The following PRDM12 variants were observed in gnomAD, a reference collection of about 807,000 sequenced individuals.
The protein encoded by PRDM12 is PR/SET domain 12.
In PRDM12, 17 loss-of-function variants were observed where a neutral mutation model predicts 29.6. That is an observed-to-expected ratio of 0.57 (90% CI 0.39 to 0.86). The LOEUF (loss-of-function observed/expected upper bound fraction) is 0.86, where lower values mean the gene tolerates loss of function less well. Ranked by LOEUF, PRDM12 falls within the 40% of genes least tolerant of loss-of-function variation. The probability of loss-of-function intolerance (pLI) is 0.00; values close to 1 mark genes in which losing one functional copy is unlikely to be tolerated. For synonymous variants in PRDM12, 231 were observed against 225.8 expected, an observed-to-expected ratio of 1.02 and a Z score of -0.21; for missense variants, 422 against 510.8, an observed-to-expected ratio of 0.83 and a Z score of 1.68.
chr9:130,670,790 A>G (rs530784326), intron 3 of PRDM12, among the ~76,000 whole-genome samples: 25 of 152,276 alleles, frequency 1.6e-4, no homozygotes, highest in East Asian at 1.4e-3. Context: ...ATACCCACAC[A>G]TGTGAACACA....
chr9:130,674,010 C>CTTTTTTTTTTT (rs35863613), intron 3 of PRDM12, among the ~76,000 whole-genome samples: 9 of 71,844 alleles, frequency 1.3e-4, no homozygotes, highest in Non-Finnish European at 1.7e-4. Context: ...TTCTTTCTTT[C>CTTTTTTTTTTT]TTTTTTTTTT....
In PRDM12 at chr9:130,681,453, G is replaced by A. The variant is rs753128211; in HGVS notation, c.888G>A (p.Glu296=). 1.3e-6 allele frequency: 2 copies of A among 1,586,956 alleles called. No homozygotes were observed. The highest frequency in any genetic ancestry group is 8.5e-7 in the Non-Finnish European group (1 of 1,171,410). The part of the protein sequence containing the change: ...LRNHVRLHTG[E]RPYKCQVCQS... ...ACCACGTGCGCCTGCACACGGGCGA[G>A]CGCCCCTACAAGTGCCAGGTGTGCC... The change falls in exon 5 of 5, where the codon GAG becomes GAA. Residue 296 remains glutamate (E), a synonymous_variant. Transcript: ENST00000253008. The surrounding 1 kb of genome is among the most constrained non-coding windows in gnomAD (Gnocchi z 8.1).
At chr9:130,677,864 G>A (rs996894050) in intron 3 of PRDM12, among the ~76,000 whole-genome samples, 6 of 152,262 alleles carry the variant, frequency 3.9e-5, no homozygotes, top group East Asian at 1.9e-4. Flanking sequence ...CATCATTTGC[G>A]GGGTTCTCTG....
chr9:130,682,836 C>A lies in PRDM12; in HGVS notation c.*1167C>A, dbSNP rs981177504. The stretch of plus-strand genomic sequence containing the variant: ...TTTTCAAGAAACTGCGTTCTACTTC[C>A]AGAAGATGGTCACTTTAACCTTGTA... On this transcript the variant is annotated 3_prime_UTR_variant, in exon 5 of 5. Coordinates refer to ENST00000253008, the MANE Select transcript of PRDM12 (RefSeq NM_021619.3). The surrounding 1 kb of genome is among the most constrained non-coding windows in gnomAD (Gnocchi z 4.2). The A allele has an allele frequency of 4.9e-4, 75 of 152,630 alleles. No individual in the cohort carries two copies. The highest frequency in any genetic ancestry group is 2.8e-4 in the Non-Finnish European group (19 of 68,050). 9.5% of individuals were successfully genotyped at this position (152,630 alleles called of 1,614,324 possible). A position where few individuals can be genotyped will look rare whatever the true frequency, so the allele number is the denominator to read the frequency against.
At chr9:130,669,066 T>A (rs1830761638) in intron 3 of PRDM12, among the ~76,000 whole-genome samples, 2 of 152,186 alleles carry the variant, frequency 1.3e-5, no homozygotes, top group South Asian at 4.1e-4. Flanking sequence ...ATCCCAGCAC[T>A]TTGGGAGGCT....
At chr9:130,667,883 T>C (rs1385162820) in intron 2 of PRDM12, among the ~76,000 whole-genome samples, 1 of 152,164 alleles carries the variant, frequency 6.6e-6, no homozygotes, top group African/African-American at 2.4e-5. Flanking sequence ...GGAGACCCTC[T>C]TCTTCTGGGG....
Position 130,681,685 on chromosome 9 carries a change from CG to C in PRDM12, c.*17del. The C allele has an allele frequency of 1.0e-6, 1 of 980,796 alleles. No individual in the cohort carries two copies. The highest frequency in any genetic ancestry group is 1.2e-6 in the Non-Finnish European group (1 of 827,888). The allele number at this position is 980,796 out of a possible 1,614,324, so 60.8% of individuals were successfully genotyped here. A position where few individuals can be genotyped will look rare whatever the true frequency, so the allele number is the denominator to read the frequency against. ...GGTGCTGTGAGCGCGCCCGCGCCCC[CG>C]CCGGGCCCCGCGCGCTCCTGGGTCC... On this transcript the variant is annotated 3_prime_UTR_variant, in exon 5 of 5. Coordinates refer to ENST00000253008, the MANE Select transcript of PRDM12 (RefSeq NM_021619.3). This position sits in a 1 kb window ranked among gnomAD's most constrained non-coding sequence, Gnocchi z 8.1.
intron 4 of PRDM12, among the ~76,000 whole-genome samples, chr9:130,680,634 AATAT>A (rs1181007721): frequency 1.6e-4 from 14 of 88,498 alleles, no homozygotes; most frequent in East Asian, 4.6e-4. Context: ...AAAAAAAAAA[AATAT>A]ATATATATAT....
intron 3 of PRDM12, among the ~76,000 whole-genome samples, chr9:130,670,828 T>C (rs546435249): frequency 7.2e-5 from 11 of 152,240 alleles, no homozygotes; most frequent in African/African-American, 2.4e-4. Context: ...GCCTACATCA[T>C]TTTGGCAAGA....
At position 130,680,659 on chromosome 9, in the gene PRDM12, A is replaced by ATAT; in HGVS notation, c.683-588_683-587insATT. Among the ~76,000 whole-genome samples the ATAT allele has an allele frequency of 2.7e-3, 195 of 72,158 alleles. 1 individual carries two copies. The highest frequency in any genetic ancestry group is 3.0e-3 in the Non-Finnish European group (135 of 44,904). The allele number at this position is 72,158 out of a possible 152,430, so 47.3% of individuals were successfully genotyped here. ...AATATATATATATATATATATATAT[A>ATAT]TTTTTTTTTTTTTTAACTGATCCTT... On this transcript the variant is annotated intron_variant, in intron 4 of 4. Transcript: ENST00000253008.
intron 3 of PRDM12, among the ~76,000 whole-genome samples, chr9:130,672,585 A>C (rs995414313): frequency 5.3e-5 from 8 of 152,110 alleles, no homozygotes; most frequent in Admixed American, 5.2e-4. Context: ...TGTTACGGAG[A>C]TTACGGGAAG....
At chr9:130,666,510 G>A in intron 1 of PRDM12, 98 bp from the exon 2 acceptor site, 1 of 1,473,482 alleles carries the variant, frequency 6.8e-7, no homozygotes, top group Non-Finnish European at 9.0e-7. Context: ...GGTTTGGCTG[G>A]TCTGGGCAGG....
At chr9:130,665,650 C>T (rs923768086) in intron 1 of PRDM12, among the ~76,000 whole-genome samples, 2 of 152,194 alleles carry the variant, frequency 1.3e-5, no homozygotes, top group Non-Finnish European at 2.9e-5. Flanking sequence ...CTACAGCATT[C>T]TTCCAGGGCT....
At chr9:130,678,207 A>G (rs1427633394) in intron 3 of PRDM12, among the ~76,000 whole-genome samples, 5 of 151,702 alleles carry the variant, frequency 3.3e-5, no homozygotes, top group Non-Finnish European at 5.9e-5. Context: ...AGAATGGAAA[A>G]GGTTTCTAGT....
chr9:130,675,941 G>A (rs777804649), intron 3 of PRDM12, among the ~76,000 whole-genome samples: 1 of 152,166 alleles, frequency 6.6e-6, no homozygotes, highest in Non-Finnish European at 1.5e-5. Flanking sequence ...TAGAGTTGGG[G>A]GGAAACTCAG....
intron 3 of PRDM12, 99 bp from the exon 4 acceptor site, chr9:130,678,430 G>A: frequency 2.5e-6 from 2 of 813,816 alleles, no homozygotes; most frequent in Non-Finnish European, 4.0e-6. Flanking sequence ...GGCTGAGACT[G>A]GGTCCGGGTC....
intron 1 of PRDM12, among the ~76,000 whole-genome samples, chr9:130,665,346 G>A (rs1404098974): frequency 1.3e-5 from 2 of 152,170 alleles, no homozygotes; most frequent in African/African-American, 4.8e-5. Context: ...AGAAAAAGCC[G>A]CGGGGAGAGC....
intron 4 of PRDM12, among the ~76,000 whole-genome samples, chr9:130,680,293 C>T (rs879550128): frequency 2.6e-4 from 40 of 151,934 alleles, no homozygotes; most frequent in Non-Finnish European, 4.6e-4. Context: ...GCTGAGATGG[C>T]ACCACTGCAC....
intron 3 of PRDM12, among the ~76,000 whole-genome samples, chr9:130,671,644 T>C (rs1367340274): frequency 1.3e-5 from 2 of 152,192 alleles, no homozygotes; most frequent in Non-Finnish European, 2.9e-5. Context: ...TCTGGGTGTA[T>C]GTGGCCACCC....
Sources: allele counts gnomAD v4.1 joint callset (sites outside exome capture counted in the v4.1 genomes callset), GRCh38; gene constraint gnomAD v4.1.1; non-coding constraint Gnocchi (gnomAD v3.1); transcripts MANE v1.5; gene names NCBI Gene and HGNC (gene_info 2026-07-23, HGNC 2026-07-21).